Variants in DCLK1 observed in about 807,000 individuals in gnomAD.
The protein encoded by DCLK1 is doublecortin like kinase 1, also known as serine/threonine-protein kinase DCLK1.
In DCLK1, 16 loss-of-function variants were observed where a neutral mutation model predicts 86.2. The ratio of observed to expected loss-of-function variants is 0.19; its 90% CI spans 0.13 to 0.28. The LOEUF (loss-of-function observed/expected upper bound fraction) is 0.28, where lower values mean the gene tolerates loss of function less well. Ranked by LOEUF, DCLK1 falls within the 10% of genes least tolerant of loss-of-function variation. The probability of loss-of-function intolerance (pLI) is 1.00; values close to 1 mark genes in which losing one functional copy is unlikely to be tolerated. For synonymous variants in DCLK1, 369 were observed against 370.5 expected, an observed-to-expected ratio of 1.00 and a Z score of 0.05; for missense variants, 590 against 940.2, an observed-to-expected ratio of 0.63 and a Z score of 4.87.
intron 16 of DCLK1, among the ~76,000 whole-genome samples, chr13:35,779,443 C>T (rs1447837524): frequency 6.6e-6 from 1 of 152,194 alleles, no homozygotes; most frequent in Non-Finnish European, 1.5e-5. Context: ...GCCAACTACT[C>T]TATGGTAGAA....
intron 3 of DCLK1, among the ~76,000 whole-genome samples, chr13:36,080,119 A>T (rs1402501771): frequency 1.3e-5 from 2 of 151,858 alleles, no homozygotes; most frequent in African/African-American, 2.4e-5. Flanking sequence ...GGAAAAAAAA[A>T]TGTCTGTTTC....
chr13:36,126,402 G>A (rs1886190719), intron 1 of DCLK1, among the ~76,000 whole-genome samples: 1 of 151,984 alleles, frequency 6.6e-6, no homozygotes, highest in Non-Finnish European at 1.5e-5. Context: ...ACCACGCCTG[G>A]TTAATTTCCT....
chr13:35,994,844 A>T (rs560474936), intron 3 of DCLK1, among the ~76,000 whole-genome samples: 1 of 152,374 alleles, frequency 6.6e-6, no homozygotes, highest in African/African-American at 2.4e-5. Context: ...ATGCGATGGC[A>T]TTACTATCTT....
chr13:35,884,823 T>A (rs910991496), intron 4 of DCLK1, among the ~76,000 whole-genome samples: 4 of 152,172 alleles, frequency 2.6e-5, no homozygotes, highest in Non-Finnish European at 1.5e-5. Context: ...GGTGTGTCAT[T>A]CACAGAAGGT....
chr13:35,930,598 TCAAA>T (rs776172120), intron 4 of DCLK1, among the ~76,000 whole-genome samples: 8 of 151,788 alleles, frequency 5.3e-5, no homozygotes, highest in African/African-American at 9.7e-5. Flanking sequence ...AGACTCCATC[TCAAA>T]CAAACAAACA....
At chr13:35,947,289 G>T in intron 4 of DCLK1, 69 bp downstream of exon 4, 3 of 1,198,502 alleles carry the variant, frequency 2.5e-6, no homozygotes, top group Non-Finnish European at 3.7e-6. Context: ...ACATAATCTT[G>T]GCCTGGTGCA....
intron 16 of DCLK1, among the ~76,000 whole-genome samples, chr13:35,782,791 C>CAGATG (rs1308528667): frequency 6.6e-6 from 1 of 152,200 alleles, no homozygotes; most frequent in African/African-American, 2.4e-5. Flanking sequence ...TGCATTTGTA[C>CAGATG]AGATGGTGCC....
intron 3 of DCLK1, among the ~76,000 whole-genome samples, chr13:35,985,148 T>C (rs1413181728): frequency 2.0e-5 from 3 of 152,166 alleles, no homozygotes; most frequent in Non-Finnish European, 4.4e-5. Flanking sequence ...TCTTTCTGAT[T>C]ATGGATGCAT....
chr13:35,814,758 A>AG (rs1441240441), intron 11 of DCLK1, among the ~76,000 whole-genome samples: 2 of 152,254 alleles, frequency 1.3e-5, no homozygotes, highest in Non-Finnish European at 2.9e-5. Flanking sequence ...CAAATTACCC[A>AG]GTATGTAGTG....
intron 6 of DCLK1, among the ~76,000 whole-genome samples, chr13:35,842,198 C>T (rs1156977482): frequency 8.3e-6 from 1 of 120,504 alleles, no homozygotes; most frequent in Non-Finnish European, 1.6e-5. Flanking sequence ...CACTGCACTC[C>T]AGCCTGGGCG....
At chr13:35,836,534 A>T (rs1000402791) in intron 7 of DCLK1, among the ~76,000 whole-genome samples, 1 of 152,206 alleles carries the variant, frequency 6.6e-6, no homozygotes, top group Admixed American at 6.5e-5. Context: ...CGCAGTTCGC[A>T]AGGGACTCTG....
At chr13:35,866,875 A>G (rs1287179197) in intron 5 of DCLK1, among the ~76,000 whole-genome samples, 2 of 152,290 alleles carry the variant, frequency 1.3e-5, no homozygotes, top group East Asian at 3.9e-4. Context: ...AGACAATTCA[A>G]CGTGCCTTTC....
chr13:35,913,567 G>C (rs1875176469), intron 4 of DCLK1, among the ~76,000 whole-genome samples: 1 of 152,034 alleles, frequency 6.6e-6, no homozygotes, highest in Non-Finnish European at 1.5e-5. Context: ...CACAGAAAAG[G>C]CTATCTGCAT....
chr13:35,999,527 T>A (rs920415802), intron 3 of DCLK1, among the ~76,000 whole-genome samples: 18 of 152,104 alleles, frequency 1.2e-4, no homozygotes, highest in African/African-American at 3.9e-4. Context: ...AATCCCTGCT[T>A]CTTCCTCTCA....
At chr13:35,973,256 G>C (rs1022093344) in intron 3 of DCLK1, among the ~76,000 whole-genome samples, 1 of 152,206 alleles carries the variant, frequency 6.6e-6, no homozygotes, top group African/African-American at 2.4e-5. Flanking sequence ...TCAGTGAGCT[G>C]AGGAGCAAAG....
chr13:35,854,007 G>A (rs1870859721), intron 6 of DCLK1, among the ~76,000 whole-genome samples: 1 of 152,118 alleles, frequency 6.6e-6, no homozygotes, highest in Admixed American at 6.6e-5. Context: ...TGCAAGTAGT[G>A]ATGAAAAGGT....
At chr13:35,902,715 C>T (rs371915212) in intron 4 of DCLK1, among the ~76,000 whole-genome samples, 13 of 152,206 alleles carry the variant, frequency 8.5e-5, no homozygotes, top group African/African-American at 3.1e-4. Context: ...GGTGCTGTGA[C>T]AATGACAGGT....
intron 3 of DCLK1, among the ~76,000 whole-genome samples, chr13:35,999,772 G>A (rs1407547129): frequency 6.6e-6 from 1 of 152,154 alleles, no homozygotes; most frequent in Non-Finnish European, 1.5e-5. Flanking sequence ...TCTTCTTGGA[G>A]GAAATTGGTA....
chr13:36,033,213 T>C (rs561423811), intron 3 of DCLK1, among the ~76,000 whole-genome samples: 1 of 152,322 alleles, frequency 6.6e-6, no homozygotes, highest in South Asian at 2.1e-4. Flanking sequence ...AATAATGTCC[T>C]ACTAAAGTTT....
Sources: gnomAD v4.1 joint callset for allele counts (sites outside exome capture counted in the v4.1 genomes callset) on GRCh38, gnomAD v4.1.1 for gene constraint, MANE v1.5 for transcripts, NCBI Gene and HGNC (gene_info 2026-07-23, HGNC 2026-07-21) for gene names.